Variants in NUDT3 observed in about 807,000 individuals in gnomAD.
NUDT3 encodes the protein nudix hydrolase 3.
Under a neutral mutation model 23.6 loss-of-function variants are expected in NUDT3, and 9 were observed. That is an observed-to-expected ratio of 0.38 (90% confidence interval 0.23 to 0.66). The LOEUF (loss-of-function observed/expected upper bound fraction) is 0.66, where lower values mean the gene tolerates loss of function less well. Among genes scored for constraint, NUDT3 ranks in the 30% least tolerant of loss-of-function variants. The pLI is 0.52. For missense variants in NUDT3, 172 were observed against 218.5 expected, an observed-to-expected ratio of 0.79 and a Z score of 1.34; for synonymous variants, 86 against 82.6, an observed-to-expected ratio of 1.04 and a Z score of -0.22.
chr6:34,287,751 T>C lies in NUDT3; in HGVS notation c.*1002A>G, dbSNP rs1241684344. On this transcript the variant is annotated 3_prime_UTR_variant, in exon 5 of 5. Coordinates refer to ENST00000607016, the MANE Select transcript of NUDT3 (RefSeq NM_006703.4). ...CATATATGGACACAAAGAGAGGCCA[T>C]TGTTGGCAATAAATAGCATTACGGA... 1.3e-5 allele frequency: 2 copies of C among 152,178 alleles called. No homozygotes were observed. Among genetic ancestry groups the C allele is most frequent in the East Asian group, 1.9e-4 (1 of 5,198 alleles). 9.4% of individuals were successfully genotyped at this position (152,178 alleles called of 1,614,324 possible). A position where few individuals can be genotyped will look rare whatever the true frequency, so the allele number is the denominator to read the frequency against.
chr6:34,386,635 T>C (rs1424141655), intron 1 of NUDT3, among the ~76,000 whole-genome samples: 1 of 152,198 alleles, frequency 6.6e-6, no homozygotes, highest in Non-Finnish European at 1.5e-5. Context: ...TATTACCTTC[T>C]AATATAGTCA....
At chr6:34,305,169 G>T (rs1763661505) in intron 2 of NUDT3, among the ~76,000 whole-genome samples, 1 of 150,622 alleles carries the variant, frequency 6.6e-6, no homozygotes, top group Non-Finnish European at 1.5e-5. Flanking sequence ...TTTTAGTAGA[G>T]ATGGGGTTTT....
At chr6:34,344,563 C>T (rs538649379) in intron 1 of NUDT3, among the ~76,000 whole-genome samples, 1 of 152,250 alleles carries the variant, frequency 6.6e-6, no homozygotes, top group South Asian at 2.1e-4. Flanking sequence ...AAATGAGCAG[C>T]AACTGCATAA....
intron 1 of NUDT3, among the ~76,000 whole-genome samples, chr6:34,348,562 G>C (rs1764417040): frequency 6.6e-6 from 1 of 152,020 alleles, no homozygotes; most frequent in East Asian, 1.9e-4. Context: ...TGGATCATGA[G>C]GTCAGGAGAT....
intron 2 of NUDT3, among the ~76,000 whole-genome samples, chr6:34,328,278 A>G (rs1051817170): frequency 6.6e-6 from 1 of 152,138 alleles, no homozygotes; most frequent in Non-Finnish European, 1.5e-5. Flanking sequence ...ATTTAGGTCT[A>G]ACTGACAAAT....
At chr6:34,358,012 C>G (rs1158135704) in intron 1 of NUDT3, among the ~76,000 whole-genome samples, 1 of 151,982 alleles carries the variant, frequency 6.6e-6, no homozygotes, top group Admixed American at 6.5e-5. Flanking sequence ...TACTTTTTTC[C>G]AGGTATTGCC....
chr6:34,389,893 G>A (rs1283312272), intron 1 of NUDT3, among the ~76,000 whole-genome samples: 1 of 151,974 alleles, frequency 6.6e-6, no homozygotes, highest in Non-Finnish European at 1.5e-5. Context: ...GAATCCGGGA[G>A]GCGGAGCTTG....
At chr6:34,382,474 T>A (rs928638891) in intron 1 of NUDT3, among the ~76,000 whole-genome samples, 2 of 152,136 alleles carry the variant, frequency 1.3e-5, no homozygotes, top group African/African-American at 4.8e-5. Context: ...TTTGTAACTT[T>A]TCTTAATGTA....
At chr6:34,326,049 G>A (rs1215933770) in intron 2 of NUDT3, among the ~76,000 whole-genome samples, 7 of 150,902 alleles carry the variant, frequency 4.6e-5, no homozygotes, top group African/African-American at 1.7e-4. Context: ...AAAGCCATAG[G>A]CCATAGGCCA....
intron 2 of NUDT3, among the ~76,000 whole-genome samples, chr6:34,297,760 A>ATTTTT (rs1348385184): frequency 3.9e-4 from 21 of 53,610 alleles, no homozygotes; most frequent in African/African-American, 1.1e-3. Context: ...TATATATATA[A>ATTTTT]TTTTTTTTTT....
At chr6:34,297,064 T>TG (rs1561898638) in intron 2 of NUDT3, among the ~76,000 whole-genome samples, 1 of 151,736 alleles carries the variant, frequency 6.6e-6, no homozygotes, top group Non-Finnish European at 1.5e-5. Context: ...CCCAAGTAGC[T>TG]GGGACTACAG....
At chr6:34,307,156 C>T (rs1220630284) in intron 2 of NUDT3, among the ~76,000 whole-genome samples, 1 of 152,176 alleles carries the variant, frequency 6.6e-6, no homozygotes, top group East Asian at 1.9e-4. Context: ...CAACTGTAAT[C>T]CCAGCCACTT....
chr6:34,381,868 T>A (rs1361959609), intron 1 of NUDT3, among the ~76,000 whole-genome samples: 10 of 150,412 alleles, frequency 6.6e-5, no homozygotes, highest in Non-Finnish European at 1.2e-4. Context: ...AGGTCAGGAG[T>A]TCGAGACCAG....
intron 2 of NUDT3, among the ~76,000 whole-genome samples, chr6:34,310,928 C>T (rs144547719): frequency 1.3e-5 from 2 of 149,734 alleles, no homozygotes; most frequent in Admixed American, 6.7e-5. Context: ...AAGCATGTAA[C>T]GAAATTATAC....
In NUDT3 at chr6:34,286,835, G is replaced by C. The variant is rs548572619; in HGVS notation, c.*1918C>G. The C allele has an allele frequency of 2.1e-5, 3 of 141,288 alleles. No individual in the cohort carries two copies. The highest frequency in any genetic ancestry group is 4.5e-5 in the Non-Finnish European group (3 of 66,252). The allele number at this position is 141,288 out of a possible 1,614,324, so 8.8% of individuals were successfully genotyped here. A position where few individuals can be genotyped will look rare whatever the true frequency, so the allele number is the denominator to read the frequency against. On this transcript the variant is annotated 3_prime_UTR_variant, in exon 5 of 5. Transcript: ENST00000607016. ...GATGGAGTTTCACTCTTATCACCCA[G>C]GCTGGACGACAGTGGTGCAATCTCG...
chr6:34,355,908 C>T (rs1242934189), intron 1 of NUDT3, among the ~76,000 whole-genome samples: 2 of 152,092 alleles, frequency 1.3e-5, no homozygotes, highest in Non-Finnish European at 2.9e-5. Context: ...AAGCTCGGTC[C>T]CCTTCCCCCA....
intron 1 of NUDT3, among the ~76,000 whole-genome samples, chr6:34,379,963 A>C (rs1764986005): frequency 6.6e-6 from 1 of 152,008 alleles, no homozygotes; most frequent in Admixed American, 6.6e-5. Context: ...GCTGAGATCG[A>C]GCCATTACAC....
chr6:34,389,237 T>G (rs1322432478), intron 1 of NUDT3, among the ~76,000 whole-genome samples: 1 of 152,150 alleles, frequency 6.6e-6, no homozygotes, highest in East Asian at 1.9e-4. Context: ...CCCCATGCGG[T>G]TCTCATGCTA....
chr6:34,280,911 G>A lies in NUDT3; in HGVS notation c.*7842C>T, dbSNP rs1263563384. ...TTTACGCCTCAGCTAAAACATATGA[G>A]CATGAGGGAAAAGGGACAAGAAATA... On this transcript the variant is annotated 3_prime_UTR_variant, in exon 5 of 5. Coordinates refer to ENST00000607016, the MANE Select transcript of NUDT3 (RefSeq NM_006703.4). The A allele has an allele frequency of 6.6e-6, 1 of 152,138 alleles. No homozygotes were observed. Among genetic ancestry groups the A allele is most frequent in the Non-Finnish European group, 1.5e-5 (1 of 68,036 alleles). 9.4% of individuals were successfully genotyped at this position (152,138 alleles called of 1,614,324 possible).
Sources: allele counts gnomAD v4.1 joint callset (sites outside exome capture counted in the v4.1 genomes callset), GRCh38; gene constraint gnomAD v4.1.1; transcripts MANE v1.5; gene names NCBI Gene and HGNC (gene_info 2026-07-23, HGNC 2026-07-21).